Variants in RBFOX3 observed in about 807,000 individuals in gnomAD.
The protein encoded by RBFOX3 is RNA binding fox-1 homolog 3.
Under a neutral mutation model 48.7 loss-of-function variants are expected in RBFOX3, and 17 were observed. That is an observed-to-expected ratio of 0.35 (90% CI 0.24 to 0.52). RBFOX3 has a LOEUF of 0.52. Among genes scored for constraint, RBFOX3 ranks in the 20% least tolerant of loss-of-function variants. The pLI is 0.94. For synonymous variants in RBFOX3, 212 were observed against 209.5 expected, an observed-to-expected ratio of 1.01 and a Z score of -0.10; for missense variants, 382 against 497.5, an observed-to-expected ratio of 0.77 and a Z score of 2.21.
intron 3 of RBFOX3, among the ~76,000 whole-genome samples, chr17:79,291,076 G>C (rs1440013270): frequency 1.3e-5 from 2 of 152,224 alleles, no homozygotes; most frequent in Admixed American, 1.3e-4. Context: ...GGTGTTGGGG[G>C]CTGGAGGAAA....
chr17:79,537,765 T>A (rs2089059632), intron 1 of RBFOX3, among the ~76,000 whole-genome samples: 1 of 151,872 alleles, frequency 6.6e-6, no homozygotes, highest in Non-Finnish European at 1.5e-5. Context: ...TCTCCCCACC[T>A]CAAATTGAGG....
At chr17:79,113,527 C>T (rs900157537) in intron 5 of RBFOX3, among the ~76,000 whole-genome samples, 24 of 152,148 alleles carry the variant, frequency 1.6e-4, no homozygotes, top group South Asian at 4.1e-4. Context: ...AGGTCAAGGC[C>T]GTCTGTCCAT....
chr17:79,178,272 A>G (rs1248915109), intron 4 of RBFOX3, among the ~76,000 whole-genome samples: 1 of 152,244 alleles, frequency 6.6e-6, no homozygotes, highest in Non-Finnish European at 1.5e-5. Context: ...ACCCAAAGGA[A>G]TCTCCTAAAC....
the RBFOX3 span, among the ~76,000 whole-genome samples, chr17:79,652,987 T>C: frequency 6.6e-6 from 1 of 152,134 alleles, no homozygotes; most frequent in Admixed American, 6.5e-5. Flanking sequence ...CTGAATGTCA[T>C]CACCATTTTC....
At chr17:79,648,734 C>T in the RBFOX3 span, among the ~76,000 whole-genome samples, 1 of 152,192 alleles carries the variant, frequency 6.6e-6, no homozygotes, top group Non-Finnish European at 1.5e-5. Flanking sequence ...GGGCTGCTCT[C>T]CAAATGTCCC....
At chr17:79,096,394 G>A (rs963167770) in intron 12 of RBFOX3, among the ~76,000 whole-genome samples, 1 of 152,198 alleles carries the variant, frequency 6.6e-6, no homozygotes, top group Non-Finnish European at 1.5e-5. Flanking sequence ...CTTGCCCACA[G>A]GAAGATGGTT....
chr17:79,663,780 G>A, the RBFOX3 span, among the ~76,000 whole-genome samples: 5 of 149,916 alleles, frequency 3.3e-5, no homozygotes, highest in African/African-American at 2.5e-5. Flanking sequence ...AGTTAATAAC[G>A]CAGTAAATCT....
At position 79,443,430 on chromosome 17, in the gene RBFOX3, G is replaced by A. The variant is rs1221319771; in HGVS notation, c.-175+39024C>T. Among the ~76,000 whole-genome samples, 1 of 152,046 alleles carries A rather than the reference G, an allele frequency of 6.6e-6. No homozygotes were observed. Among genetic ancestry groups the A allele is most frequent in the African/African-American group, 2.4e-5 (1 of 41,404 alleles). ...ACAGTCTTGCTCTGTCGCCCAGGCT[G>A]GAGTGCAGTGGCTCGATCTCGGCTC... On this transcript the variant is annotated intron_variant, in intron 2 of 14. Transcript: ENST00000693108. This position sits in a 1 kb window ranked among gnomAD's most constrained non-coding sequence, Gnocchi z 4.4.
chr17:79,485,848 C>T (rs1214418186), intron 1 of RBFOX3, among the ~76,000 whole-genome samples: 2 of 152,204 alleles, frequency 1.3e-5, no homozygotes, highest in Non-Finnish European at 2.9e-5. Flanking sequence ...TGCATCCTAG[C>T]CCCACCGATA....
At chr17:79,224,051 G>A (rs1217966144) in intron 4 of RBFOX3, among the ~76,000 whole-genome samples, 6 of 152,120 alleles carry the variant, frequency 3.9e-5, no homozygotes, top group Admixed American at 1.3e-4. Flanking sequence ...AGTTCTCTGC[G>A]TGTGTCCTGA....
intron 1 of RBFOX3, among the ~76,000 whole-genome samples, chr17:79,549,600 T>C (rs1555793001): frequency 6.6e-6 from 1 of 152,228 alleles, no homozygotes; most frequent in Non-Finnish European, 1.5e-5. Flanking sequence ...AGCGGGGCTC[T>C]GGGGACACCC....
intron 4 of RBFOX3, among the ~76,000 whole-genome samples, chr17:79,185,574 C>G (rs1462251743): frequency 6.6e-6 from 1 of 152,162 alleles, no homozygotes; most frequent in Non-Finnish European, 1.5e-5. Context: ...TCACCACTGC[C>G]CTGCTGCACC....
chr17:79,267,064 G>A (rs1011139068), intron 3 of RBFOX3, among the ~76,000 whole-genome samples: 2 of 152,162 alleles, frequency 1.3e-5, no homozygotes, highest in Non-Finnish European at 2.9e-5. Flanking sequence ...GAGCTGGCTT[G>A]GAAGTTAGGG....
intron 3 of RBFOX3, among the ~76,000 whole-genome samples, chr17:79,287,926 G>A (rs148577773): frequency 6.6e-6 from 1 of 152,170 alleles, no homozygotes; most frequent in Non-Finnish European, 1.5e-5. Context: ...CAGTGAGTGC[G>A]GCTGTGCATG....
intron 4 of RBFOX3, among the ~76,000 whole-genome samples, chr17:79,117,442 C>T (rs2034379214): frequency 1.3e-5 from 2 of 152,210 alleles, no homozygotes; most frequent in African/African-American, 4.8e-5. Context: ...ACGCTTTGTT[C>T]ACACCACACA....
At chr17:79,147,416 G>A (rs901315593) in intron 4 of RBFOX3, among the ~76,000 whole-genome samples, 24 of 152,364 alleles carry the variant, frequency 1.6e-4, no homozygotes, top group Non-Finnish European at 3.2e-4. Flanking sequence ...GGAAGAGGCT[G>A]TAAAGGCAGT....
intron 4 of RBFOX3, among the ~76,000 whole-genome samples, chr17:79,120,150 G>A (rs574488969): frequency 1.4e-3 from 208 of 152,338 alleles, no homozygotes; most frequent in Non-Finnish European, 2.2e-3. Context: ...GGACCAGCTT[G>A]TGGAAGGATC....
intron 4 of RBFOX3, among the ~76,000 whole-genome samples, chr17:79,229,558 C>CAAAAAAAA (rs11435725): frequency 2.0e-5 from 1 of 50,638 alleles, no homozygotes; most frequent in Non-Finnish European, 3.5e-5. Flanking sequence ...GACTCCATCT[C>CAAAAAAAA]AAAAAAAAAA....
At chr17:79,567,140 A>G (rs1341918869) in intron 1 of RBFOX3, among the ~76,000 whole-genome samples, 1 of 140,458 alleles carries the variant, frequency 7.1e-6, no homozygotes, top group African/African-American at 2.6e-5. Context: ...GTTCCCACGT[A>G]TGAGTGAGAA....
Sources: gnomAD v4.1 joint callset for allele counts (sites outside exome capture counted in the v4.1 genomes callset) on GRCh38, gnomAD v4.1.1 for gene constraint, Gnocchi (gnomAD v3.1) non-coding constraint, MANE v1.5 for transcripts, NCBI Gene and HGNC (gene_info 2026-07-23, HGNC 2026-07-21) for gene names.